KCNH7: variants seen among roughly 807,000 people sequenced by gnomAD.
KCNH7 encodes voltage-gated inwardly rectifying potassium channel KCNH7.
A neutral mutation model predicts 120.8 loss-of-function variants in KCNH7; 49 were observed. The ratio of observed to expected loss-of-function variants is 0.41; its 90% CI spans 0.32 to 0.51. KCNH7 has a LOEUF of 0.51. Ranked by LOEUF, KCNH7 falls within the 20% of genes least tolerant of loss-of-function variation. The pLI is 0.38. For synonymous variants in KCNH7, 547 were observed against 516.1 expected (o/e 1.06, Z -0.81); for missense variants, 1,097 against 1,446.6 (o/e 0.76, Z 3.92).
intron 6 of KCNH7, among the ~76,000 whole-genome samples, chr2:162,496,391 CCGCATGCGCA>C: frequency 6.6e-6 from 1 of 152,172 alleles, no homozygotes; most frequent in African/African-American, 2.4e-5. Flanking sequence ...GACTAAGGGC[CCGCATGCGCA>C]CTGGGGGGAT....
chr2:162,499,830 T>G (rs901029086), intron 6 of KCNH7, among the ~76,000 whole-genome samples: 1 of 152,102 alleles, frequency 6.6e-6, no homozygotes, highest in Non-Finnish European at 1.5e-5. Context: ...GATTCCCACA[T>G]GTGTTTCACT....
intron 8 of KCNH7, among the ~76,000 whole-genome samples, chr2:162,428,487 T>C (rs1687942868): frequency 6.6e-6 from 1 of 151,926 alleles, no homozygotes; most frequent in Admixed American, 6.6e-5. Context: ...GTTCCATACA[T>C]GCTAGAAAAG....
intron 2 of KCNH7, among the ~76,000 whole-genome samples, chr2:162,824,274 T>C (rs1339746101): frequency 6.6e-6 from 1 of 152,160 alleles, no homozygotes; most frequent in Non-Finnish European, 1.5e-5. Flanking sequence ...GGTATGACAT[T>C]TCACTAGGAC....
At chr2:162,691,225 G>A (rs1474167373) in intron 2 of KCNH7, among the ~76,000 whole-genome samples, 1 of 152,108 alleles carries the variant, frequency 6.6e-6, no homozygotes, top group African/African-American at 2.4e-5. Flanking sequence ...AAGACAGAGT[G>A]GTGGTTTCCT....
intron 2 of KCNH7, among the ~76,000 whole-genome samples, chr2:162,699,672 T>A (rs947543182): frequency 6.6e-6 from 1 of 152,202 alleles, no homozygotes; most frequent in East Asian, 1.9e-4. Flanking sequence ...TGTCTTTTAT[T>A]TGCTTTTAAC....
At chr2:162,752,433 T>C (rs1688584528) in intron 2 of KCNH7, among the ~76,000 whole-genome samples, 1 of 152,240 alleles carries the variant, frequency 6.6e-6, no homozygotes, top group Non-Finnish European at 1.5e-5. Context: ...AGCAAACTTA[T>C]TTATGTGTCA....
At chr2:162,437,749 A>T (rs1688291741) in intron 7 of KCNH7, among the ~76,000 whole-genome samples, 1 of 152,118 alleles carries the variant, frequency 6.6e-6, no homozygotes, top group African/African-American at 2.4e-5. Flanking sequence ...TTTTCTTTCC[A>T]TCAATAAGCA....
At chr2:162,688,046 T>C (rs796457996) in intron 2 of KCNH7, among the ~76,000 whole-genome samples, 9 of 152,282 alleles carry the variant, frequency 5.9e-5, no homozygotes, top group African/African-American at 1.9e-4. Context: ...TAAAAATCAT[T>C]ATGCAATTAG....
At chr2:162,783,115 A>G (rs1199997442) in intron 2 of KCNH7, among the ~76,000 whole-genome samples, 4 of 152,188 alleles carry the variant, frequency 2.6e-5, no homozygotes, top group Non-Finnish European at 5.9e-5. Flanking sequence ...CACAAAGGTA[A>G]TAACATATCA....
chr2:162,430,865 A>ATGTTTT (rs1688042117), intron 8 of KCNH7, among the ~76,000 whole-genome samples: 4 of 151,858 alleles, frequency 2.6e-5, no homozygotes, highest in African/African-American at 9.7e-5. Context: ...TAAAAATTAA[A>ATGTTTT]TATATACATG....
intron 12 of KCNH7, among the ~76,000 whole-genome samples, chr2:162,387,298 G>C (rs1032596389): frequency 4.7e-5 from 7 of 150,216 alleles, no homozygotes; most frequent in Non-Finnish European, 1.0e-4. Context: ...TCTATTTGTA[G>C]ATTAAAAATG....
At chr2:162,794,476 G>T (rs2105526159) in intron 2 of KCNH7, among the ~76,000 whole-genome samples, 1 of 152,122 alleles carries the variant, frequency 6.6e-6, no homozygotes, top group African/African-American at 2.4e-5. Context: ...AAACATTGGA[G>T]AAACTATTAG....
chr2:162,784,722 G>A (rs143142539), intron 2 of KCNH7: 19 of 152,134 alleles, frequency 1.2e-4, no homozygotes, highest in African/African-American at 3.9e-4. Flanking sequence ...AGATTACTTC[G>A]CCTACAGAAT....
chr2:162,477,084 A>T (rs1479327601), intron 6 of KCNH7, among the ~76,000 whole-genome samples: 2 of 152,232 alleles, frequency 1.3e-5, no homozygotes, highest in East Asian at 3.8e-4. Context: ...TTTTAAAGAT[A>T]AATTTCCTAA....
chr2:162,617,366 C>A (rs974060925), intron 2 of KCNH7, among the ~76,000 whole-genome samples: 2 of 152,106 alleles, frequency 1.3e-5, no homozygotes. Flanking sequence ...GTAGTCCCAG[C>A]TACTCAGGAG....
chr2:162,473,722 C>T (rs1375069300), intron 6 of KCNH7, among the ~76,000 whole-genome samples: 1 of 152,064 alleles, frequency 6.6e-6, no homozygotes, highest in Non-Finnish European at 1.5e-5. Context: ...TAATAGGGAC[C>T]ATAGAGAAAT....
chr2:162,784,789 C>A (rs1195678603), intron 2 of KCNH7: 2 of 152,102 alleles, frequency 1.3e-5, no homozygotes, highest in Non-Finnish European at 2.9e-5. Flanking sequence ...CCCTTCCTTT[C>A]CTAAAGATCT....
rs764391573 is a variant in KCNH7 at position 162,425,249 on chromosome 2, G to A, written c.1955-1714C>T. ...TATAACTGTGCGAGCCAATTTCTTC[G>A]AATAAATCTCTTTATATCTTTATCT... On this transcript the variant is annotated intron_variant, in intron 8 of 15. Coordinates refer to ENST00000332142, the MANE Select transcript of KCNH7 (RefSeq NM_033272.4). 4.6e-5 allele frequency among the ~76,000 whole-genome samples: 7 copies of A among 151,820 alleles called. No individual in the cohort carries two copies. The East Asian group carries it at 7.7e-4, about 17-fold the overall frequency.
intron 2 of KCNH7, among the ~76,000 whole-genome samples, chr2:162,626,586 G>A (rs1166798430): frequency 6.6e-6 from 1 of 152,072 alleles, no homozygotes. Flanking sequence ...AGTATTGGAC[G>A]CTGTAACAAA....
Sources: gnomAD v4.1 joint callset for allele counts (sites outside exome capture counted in the v4.1 genomes callset) on GRCh38, gnomAD v4.1.1 for gene constraint, MANE v1.5 for transcripts, NCBI Gene and HGNC (gene_info 2026-07-23, HGNC 2026-07-21) for gene names.